ROBO2: variants seen among roughly 807,000 people sequenced by gnomAD.
The protein encoded by ROBO2 is roundabout homolog 2.
A neutral mutation model predicts 160.8 loss-of-function variants in ROBO2; 53 were observed. The observed-to-expected ratio is 0.33, with a 90% CI of 0.26 to 0.41. The LOEUF is 0.41. Ranked by LOEUF, ROBO2 falls within the 10% of genes least tolerant of loss-of-function variation. The pLI is 1.00. For synonymous variants in ROBO2, 664 were observed against 611.7 expected (o/e 1.09, Z -1.26); for missense variants, 1,577 against 1,722.4 (o/e 0.92, Z 1.49).
At chr3:77,075,127 TTATA>T (rs2067829798) in intron 1 of ROBO2, among the ~76,000 whole-genome samples, 1 of 152,196 alleles carries the variant, frequency 6.6e-6, no homozygotes, top group Non-Finnish European at 1.5e-5. Flanking sequence ...ACGCATCTCT[TTATA>T]TATCAGCATT....
intron 2 of ROBO2, among the ~76,000 whole-genome samples, chr3:76,009,832 T>C (rs2066143248): frequency 6.6e-6 from 1 of 152,258 alleles, no homozygotes; most frequent in Admixed American, 6.5e-5. Flanking sequence ...AACATTTTAA[T>C]CTTTGACTCT....
In ROBO2 at chr3:77,317,456, G is replaced by A. The variant is rs139905587; in HGVS notation, c.389-159958G>A. ...TTTCCAGACTGCCCGTCACTTTGGTGGTCTCAGTGTTGGCTGAGCCTGAGC... is the reference window on the plus strand; with the variant it reads ...TTTCCAGACTGCCCGTCACTTTGGTAGTCTCAGTGTTGGCTGAGCCTGAGC... On this transcript the variant is annotated intron_variant, in intron 2 of 25. Transcript: ENST00000461745. 9,514 of 1,517,074 alleles carry A rather than the reference G, an allele frequency of 6.3e-3. 80 individuals are homozygous for A. The highest frequency in any genetic ancestry group is 0.015 in the South Asian group (1,337 of 88,958). 94.0% of individuals were successfully genotyped at this position (1,517,074 alleles called of 1,614,324 possible).
intron 2 of ROBO2, among the ~76,000 whole-genome samples, chr3:77,026,366 C>A (rs1188230454): frequency 6.6e-6 from 1 of 152,158 alleles, no homozygotes; most frequent in African/African-American, 2.4e-5. Flanking sequence ...CTACCAATAA[C>A]AACCACAACA....
intron 2 of ROBO2, among the ~76,000 whole-genome samples, chr3:77,221,860 T>C (rs1015470): frequency 0.31 from 43,522 of 139,266 alleles, 7,409 homozygotes; most frequent in Middle Eastern, 0.5. Context: ...TTTTCTTTTT[T>C]TTTTTTTTTT....
At chr3:77,003,954 C>T (rs895469943) in intron 2 of ROBO2, among the ~76,000 whole-genome samples, 1 of 152,076 alleles carries the variant, frequency 6.6e-6, no homozygotes, top group East Asian at 1.9e-4. Context: ...CTAATAGAGG[C>T]ATTTATTATG....
In ROBO2 at chr3:77,624,302, TGTGA is replaced by T. The variant is rs375211930; in HGVS notation, c.3760+1873_3760+1876del. Among the ~76,000 whole-genome samples the T allele has an allele frequency of 3.0e-3, 450 of 152,192 alleles. 2 individuals carry two copies. The highest frequency in any genetic ancestry group is 0.01 in the African/African-American group (420 of 41,540). Reference sequence around the variant, plus strand: ...AAGATTTAATTTGCTTTCTATGGTATGTGAGTAAGTGCTTATAAGTGTGTGTGTG... The same window carrying T: ...AAGATTTAATTTGCTTTCTATGGTATGTAAGTGCTTATAAGTGTGTGTGTG... On this transcript the variant is annotated intron_variant, in intron 23 of 25. Transcript: ENST00000461745.
intron 2 of ROBO2, among the ~76,000 whole-genome samples, chr3:75,974,060 A>G (rs571059970): frequency 7.3e-5 from 11 of 151,696 alleles, no homozygotes; most frequent in African/African-American, 2.7e-4. Context: ...GAAAACAGCA[A>G]TAGGTAATGG....
chr3:76,918,881 C>G (rs1219733410), intron 2 of ROBO2, among the ~76,000 whole-genome samples: 2 of 151,776 alleles, frequency 1.3e-5, no homozygotes, highest in East Asian at 3.9e-4. Context: ...GAGGTGGTAT[C>G]TCATTGTGGT....
intron 2 of ROBO2, among the ~76,000 whole-genome samples, chr3:76,049,536 A>G (rs2035702): frequency 0.021 from 3,102 of 150,688 alleles, 43 homozygotes; most frequent in East Asian, 0.081. Context: ...GAGCCGTGGA[A>G]TCTGGCCACA....
At position 76,245,263 on chromosome 3, in the gene ROBO2, A is replaced by G. The variant is rs1253577427; in HGVS notation, c.109+307661A>G. Among the ~76,000 whole-genome samples the G allele has an allele frequency of 2.0e-5, 3 of 152,234 alleles. No individual in the cohort carries two copies. In the East Asian group the frequency reaches 5.8e-4, roughly 29 times the overall value. On this transcript the variant is annotated intron_variant, in intron 2 of 26. Transcript: ENST00000487694. ...TGTGGGTTAAGTGGGAAGGTCGGCCAGAGCTTGAACCCTTTTGGGGCAGCG... is the reference window on the plus strand; with the variant it reads ...TGTGGGTTAAGTGGGAAGGTCGGCCGGAGCTTGAACCCTTTTGGGGCAGCG...
chr3:75,975,390 G>T (rs2065109795), intron 2 of ROBO2, among the ~76,000 whole-genome samples: 1 of 151,180 alleles, frequency 6.6e-6, no homozygotes, highest in African/African-American at 2.4e-5. Context: ...GAGCAATTTT[G>T]TCTACGCTTT....
At chr3:76,745,211 G>T (rs1340861610) in intron 2 of ROBO2, among the ~76,000 whole-genome samples, 1 of 152,014 alleles carries the variant, frequency 6.6e-6, no homozygotes, top group Non-Finnish European at 1.5e-5. Context: ...TCTCTATATT[G>T]GTGGATCGAT....
chr3:77,561,943 A>C (rs1315697706), intron 9 of ROBO2, among the ~76,000 whole-genome samples: 1 of 151,934 alleles, frequency 6.6e-6, no homozygotes, highest in Non-Finnish European at 1.5e-5. Context: ...GTCTCTACTA[A>C]AAATACAATG....
At chr3:77,001,962 C>T (rs1022899338) in intron 2 of ROBO2, among the ~76,000 whole-genome samples, 14 of 152,192 alleles carry the variant, frequency 9.2e-5, no homozygotes, top group African/African-American at 3.4e-4. Context: ...TAGCCCAAAT[C>T]AGGAATTAAT....
At chr3:76,746,304 G>A (rs1371934681) in intron 2 of ROBO2, among the ~76,000 whole-genome samples, 1 of 151,760 alleles carries the variant, frequency 6.6e-6, no homozygotes, top group African/African-American at 2.4e-5. Flanking sequence ...ACGTGTGCGT[G>A]TGTCTTTATA....
chr3:77,163,037 C>A (rs527291522), intron 2 of ROBO2, among the ~76,000 whole-genome samples: 3 of 151,792 alleles, frequency 2.0e-5, no homozygotes, highest in Non-Finnish European at 4.4e-5. Flanking sequence ...GGTTTCACCA[C>A]GTTGGCCAGG....
chr3:76,783,249 A>T (rs1217106602), intron 2 of ROBO2, among the ~76,000 whole-genome samples: 7 of 150,966 alleles, frequency 4.6e-5, no homozygotes, highest in African/African-American at 1.5e-4. Flanking sequence ...AGCCATAACT[A>T]TATTGAATAC....
chr3:76,141,116 G>GCTCTCTCTCT (rs55829903), intron 2 of ROBO2, among the ~76,000 whole-genome samples: 4 of 16,686 alleles, frequency 2.4e-4, no homozygotes, highest in African/African-American at 4.1e-4. Flanking sequence ...GAGCTACCAT[G>GCTCTCTCTCT]CTCTCTCTCT....
At chr3:76,978,678 A>C (rs572067254) in intron 2 of ROBO2, among the ~76,000 whole-genome samples, 2 of 152,248 alleles carry the variant, frequency 1.3e-5, no homozygotes, top group Admixed American at 6.5e-5. Context: ...TAAAATAGGT[A>C]ACAGATACTT....
Sources: gnomAD v4.1 joint callset for allele counts (sites outside exome capture counted in the v4.1 genomes callset) on GRCh38, gnomAD v4.1.1 for gene constraint, MANE v1.5 for transcripts, NCBI Gene and HGNC (gene_info 2026-07-23, HGNC 2026-07-21) for gene names.